The following TENM3 variants were observed in gnomAD, a reference collection of about 807,000 sequenced individuals.
TENM3 encodes teneurin-3.
A neutral mutation model predicts 255.1 loss-of-function variants in TENM3; 63 were observed. The ratio of observed to expected loss-of-function variants is 0.25; its 90% CI spans 0.20 to 0.30. The LOEUF is 0.30. Ranked by LOEUF, TENM3 falls within the 10% of genes least tolerant of loss-of-function variation. The pLI is 1.00. For missense variants in TENM3, 2,929 were observed against 3,461.1 expected, an observed-to-expected ratio of 0.85 and a Z score of 3.86; for synonymous variants, 1,306 against 1,322.3, an observed-to-expected ratio of 0.99 and a Z score of 0.27.
rs201355140 is a variant in TENM3, at chr4:182,663,882, ATCCTTTTCCCGGT to A, written c.1112-9121_1112-9109del. 5.1e-3 allele frequency among the ~76,000 whole-genome samples: 782 copies of A among 152,264 alleles called. 5 individuals are homozygous for A. The highest frequency in any genetic ancestry group is 0.018 in the African/African-American group (737 of 41,544). ...ATTTATTACACTGTTTTTAGAACCA[ATCCTTTTCCCGGT>A]TTCTGTGTAGGATGCCAAAAAAGAC... On this transcript the variant is annotated intron_variant, in intron 6 of 27. Transcript: ENST00000511685.
chr4:182,738,444 G>A lies in TENM3; in HGVS notation c.3279G>A (p.Leu1093=). ...YEYESCLDLT[L]WEKRTAILQG... ...ATGAGTCGTGTTTGGACCTGACTCTGTGGGAAAAGAGGACTGCCATTCTGC... is the reference window on the plus strand; with the variant it reads ...ATGAGTCGTGTTTGGACCTGACTCTATGGGAAAAGAGGACTGCCATTCTGC... The change falls in exon 18 of 28, where the codon CTG becomes CTA. Residue 1093 remains leucine (L), a synonymous_variant. Coordinates refer to ENST00000511685, the MANE Select transcript of TENM3 (RefSeq NM_001080477.4). 6.2e-7 allele frequency: 1 copy of A among 1,613,438 alleles called. No individual in the cohort carries two copies. The highest frequency in any genetic ancestry group is 8.5e-7 in the Non-Finnish European group (1 of 1,179,614).
the TENM3 span, among the ~76,000 whole-genome samples, chr4:181,948,623 G>A: frequency 6.6e-6 from 1 of 152,064 alleles, no homozygotes; most frequent in East Asian, 1.9e-4. Context: ...TCACCATGTT[G>A]GCCAGGCTGA....
chr4:182,390,247 G>T (rs1023706037), intron 3 of TENM3, among the ~76,000 whole-genome samples: 1 of 152,116 alleles, frequency 6.6e-6, no homozygotes, highest in South Asian at 2.1e-4. Context: ...TCTTTGTACT[G>T]CCCAGTCCCA....
intron 13 of TENM3, among the ~76,000 whole-genome samples, chr4:182,714,780 G>A (rs532736386): frequency 1.1e-4 from 17 of 152,216 alleles, no homozygotes; most frequent in Non-Finnish European, 2.2e-4. Context: ...TATTTTCACC[G>A]TTGACCTCAG....
chr4:181,970,679 T>C, the TENM3 span, among the ~76,000 whole-genome samples: 1 of 152,174 alleles, frequency 6.6e-6, no homozygotes, highest in Non-Finnish European at 1.5e-5. Flanking sequence ...ATGTGGACTC[T>C]CCTTCATCTC....
intron 3 of TENM3, among the ~76,000 whole-genome samples, chr4:182,356,799 G>A (rs1765574036): frequency 6.6e-6 from 1 of 151,450 alleles, no homozygotes; most frequent in East Asian, 1.9e-4. Flanking sequence ...CATGTGCCAT[G>A]CTGGTGTGCT....
At chr4:182,414,473 T>C (rs991670941) in intron 3 of TENM3, among the ~76,000 whole-genome samples, 1 of 152,208 alleles carries the variant, frequency 6.6e-6, no homozygotes, top group African/African-American at 2.4e-5. Flanking sequence ...AATACTATGC[T>C]TCACAGAAAA....
At chr4:182,080,666 G>T in the TENM3 span, among the ~76,000 whole-genome samples, 1 of 152,096 alleles carries the variant, frequency 6.6e-6, no homozygotes, top group Non-Finnish European at 1.5e-5. Context: ...ATATAACCTG[G>T]CCGCTCTCGT....
the TENM3 span, among the ~76,000 whole-genome samples, chr4:181,544,424 A>AC: frequency 6.9e-6 from 1 of 145,582 alleles, no homozygotes; most frequent in South Asian, 2.2e-4. Flanking sequence ...AAAAAAAAAA[A>AC]AAAAAAAAAA....
intron 1 of TENM3, among the ~76,000 whole-genome samples, chr4:182,205,161 C>T (rs1754467464): frequency 6.6e-6 from 1 of 152,212 alleles, no homozygotes. Flanking sequence ...CCCACATTGA[C>T]CGTGGCTTAA....
At chr4:182,168,005 T>C (rs753025580) in intron 1 of TENM3, among the ~76,000 whole-genome samples, 1 of 152,230 alleles carries the variant, frequency 6.6e-6, no homozygotes, top group Non-Finnish European at 1.5e-5. Flanking sequence ...AGGACAAACT[T>C]GAATTTCTGT....
chr4:181,520,983 C>A, the TENM3 span, among the ~76,000 whole-genome samples: 2 of 152,190 alleles, frequency 1.3e-5, no homozygotes, highest in Admixed American at 1.3e-4. Flanking sequence ...GAGAAAATCC[C>A]AGAGGGCATG....
At chr4:182,588,809 A>C (rs1043724570) in intron 3 of TENM3, among the ~76,000 whole-genome samples, 12 of 152,232 alleles carry the variant, frequency 7.9e-5, no homozygotes, top group African/African-American at 1.2e-4. Flanking sequence ...TATGGTTGAC[A>C]AGATAAACTA....
the TENM3 span, among the ~76,000 whole-genome samples, chr4:181,757,681 G>A: frequency 1.3e-5 from 2 of 152,246 alleles, no homozygotes; most frequent in East Asian, 3.9e-4. Context: ...TAAAGGTAAT[G>A]CCCATTAATT....
At chr4:182,250,244 G>T (rs1757926504) in intron 1 of TENM3, among the ~76,000 whole-genome samples, 1 of 151,792 alleles carries the variant, frequency 6.6e-6, no homozygotes, top group African/African-American at 2.4e-5. Context: ...AGTAGAGACG[G>T]GGTTTCACTG....
chr4:181,470,061 T>G, the TENM3 span, among the ~76,000 whole-genome samples: 1 of 142,632 alleles, frequency 7.0e-6, no homozygotes, highest in East Asian at 2.0e-4. Context: ...CTCTGCCAAT[T>G]CACAGTGCAA....
chr4:182,430,837 C>T (rs971531791), intron 3 of TENM3, among the ~76,000 whole-genome samples: 26 of 151,664 alleles, frequency 1.7e-4, no homozygotes, highest in African/African-American at 6.1e-4. Flanking sequence ...CATGGTGAAA[C>T]CCTGTCTCTA....
At chr4:181,553,579 C>T in the TENM3 span, among the ~76,000 whole-genome samples, 3 of 151,790 alleles carry the variant, frequency 2.0e-5, no homozygotes, top group Admixed American at 6.6e-5. Flanking sequence ...GTAGCTGGGA[C>T]TACGGGTGCC....
At chr4:182,730,840 T>C in intron 15 of TENM3, 38 bp from the exon 16 acceptor site, 2 of 1,606,338 alleles carry the variant, frequency 1.2e-6, no homozygotes, top group Admixed American at 1.7e-5. Flanking sequence ...TTATGTGGGA[T>C]CCAGACAATT....
Sources: allele counts gnomAD v4.1 joint callset (sites outside exome capture counted in the v4.1 genomes callset), GRCh38; gene constraint gnomAD v4.1.1; transcripts MANE v1.5; gene names NCBI Gene and HGNC (gene_info 2026-07-23, HGNC 2026-07-21).